CHKA: variants seen among roughly 807,000 people sequenced by gnomAD.
CHKA encodes CHETK-alpha.
A neutral mutation model predicts 60.1 loss-of-function variants in CHKA; 34 were observed. The ratio of observed to expected loss-of-function variants is 0.57; its 90% CI spans 0.43 to 0.75. The LOEUF is 0.75. CHKA is among the 30% of genes least tolerant of loss of function. CHKA has a pLI of 0.00. For synonymous variants in CHKA, 217 were observed against 223.1 expected (o/e 0.97, Z 0.24); for missense variants, 563 against 561.3 (o/e 1.00, Z -0.03).
Position 68,074,820 on chromosome 11 carries a change from G to C in CHKA, c.527C>G (p.Ala176Gly). The change falls in exon 4 of 12, where the codon GCC (alanine) becomes GGC (glycine). Residue 176 changes from alanine (A) to glycine (G), a missense_variant. Coordinates refer to ENST00000265689, the MANE Select transcript of CHKA (RefSeq NM_001277.3). Reference sequence around the variant, plus strand: ...AAACATAACGCTCTCCAGAACCATGGCCTCAGCCCCCTAAAACAGATGGCA... The same window carrying C: ...AAACATAACGCTCTCCAGAACCATGCCCTCAGCCCCCTAAAACAGATGGCA... Reference protein sequence around the residue: ...QKENEFQGAEAMVLESVMFAI... With the variant: ...QKENEFQGAEGMVLESVMFAI... The C allele has an allele frequency of 6.2e-7, 1 of 1,614,172 alleles. No homozygotes were observed.
chr11:68,086,682 A>G (rs1190618096), intron 2 of CHKA, among the ~76,000 whole-genome samples: 1 of 152,230 alleles, frequency 6.6e-6, no homozygotes, highest in Non-Finnish European at 1.5e-5. Context: ...TAAGTCACAT[A>G]TAGTTATCAT....
chr11:68,100,103 G>A (rs1475680901), intron 1 of CHKA, among the ~76,000 whole-genome samples: 2 of 152,162 alleles, frequency 1.3e-5, no homozygotes, highest in Non-Finnish European at 2.9e-5. Flanking sequence ...ATAATAATAT[G>A]ACCAGGAACA....
intron 5 of CHKA, 29 bp downstream of exon 5, chr11:68,070,695 T>C (rs370716716): frequency 7.5e-6 from 12 of 1,604,384 alleles, no homozygotes; most frequent in African/African-American, 2.7e-5. Context: ...TGTAAAACTA[T>C]GTTAGGACCA....
chr11:68,091,314 T>G (rs1857342549), intron 2 of CHKA, among the ~76,000 whole-genome samples: 1 of 151,908 alleles, frequency 6.6e-6, no homozygotes, highest in East Asian at 1.9e-4. Context: ...TCCATTAAAA[T>G]TAAAGACAGT....
intron 11 of CHKA, among the ~76,000 whole-genome samples, chr11:68,056,863 A>G (rs985468347): frequency 4.6e-5 from 7 of 152,122 alleles, no homozygotes; most frequent in African/African-American, 1.7e-4. Flanking sequence ...AAAGTAATAC[A>G]CTGGTAAACT....
At position 68,066,533 on chromosome 11, in the gene CHKA, T is replaced by A. The variant is rs1425144381; in HGVS notation, c.929-17A>T. 2.5e-6 allele frequency: 4 copies of A among 1,593,256 alleles called. No homozygotes were observed. The highest frequency in any genetic ancestry group is 3.4e-6 in the Non-Finnish European group (4 of 1,161,104). ...AGATATTACCTGCAAAAGGTTTGGA[T>A]AACATGGTTTATGTTTTACAATAGA... is the stretch of plus-strand genomic sequence containing the variant. On this transcript the variant is annotated splice_polypyrimidine_tract_variant and intron_variant, in intron 7 of 11. Transcript: ENST00000265689.
chr11:68,109,027 A>G (rs944961336), intron 1 of CHKA, among the ~76,000 whole-genome samples: 2 of 151,980 alleles, frequency 1.3e-5, no homozygotes, highest in African/African-American at 4.8e-5. Flanking sequence ...GGGGGGGAAA[A>G]AATCCCTTCA....
chr11:68,120,972 A>AGCGGCAGCGGCG lies in CHKA; in HGVS notation c.205_206insCGCCGCTGCCGC (p.Pro68_Leu69insProProLeuPro), dbSNP rs1368296970. The stretch of plus-strand genomic sequence containing the variant: ...CGGCTGCGGCGGCGGGGGCTGGGGC[A>AGCGGCAGCGGCG]GCGGCAGCGGCAGCGGCAGCGGCGG... On this transcript the variant is annotated inframe_insertion, in exon 1 of 12. Coordinates refer to ENST00000265689, the MANE Select transcript of CHKA (RefSeq NM_001277.3). 1 of 1,101,088 alleles carries AGCGGCAGCGGCG rather than the reference A, an allele frequency of 9.1e-7. No homozygotes were observed. 68.2% of individuals were successfully genotyped at this position (1,101,088 alleles called of 1,614,324 possible).
In CHKA at chr11:68,102,978, A is replaced by T. The variant is rs187152558; in HGVS notation, c.351-5848T>A. Reference sequence around the variant, plus strand: ...GACAGAGCAAGACCCTGTTTAAAAAAAAAAAAATATATTTGCCCTAAATGG... The same window carrying T: ...GACAGAGCAAGACCCTGTTTAAAAATAAAAAAATATATTTGCCCTAAATGG... On this transcript the variant is annotated intron_variant, in intron 1 of 11. Transcript: ENST00000265689. Among the ~76,000 whole-genome samples, 230 of 152,138 alleles carry T rather than the reference A, an allele frequency of 1.5e-3. 2 individuals carry two copies. The highest frequency in any genetic ancestry group is 4.2e-3 in the Admixed American group (64 of 15,264).
chr11:68,119,484 G>GT (rs1450378080), intron 1 of CHKA, among the ~76,000 whole-genome samples: 3 of 152,054 alleles, frequency 2.0e-5, no homozygotes, highest in Admixed American at 6.6e-5. Flanking sequence ...CTTTGTTTTT[G>GT]TTTTTTTGAG....
intron 1 of CHKA, among the ~76,000 whole-genome samples, chr11:68,110,460 A>G (rs943960932): frequency 6.6e-6 from 1 of 152,222 alleles, no homozygotes; most frequent in African/African-American, 2.4e-5. Context: ...CCAGTGACAA[A>G]TAAGTGGAAT....
intron 2 of CHKA, among the ~76,000 whole-genome samples, chr11:68,096,599 G>A (rs1475703539): frequency 6.6e-6 from 1 of 152,092 alleles, no homozygotes; most frequent in African/African-American, 2.4e-5. Context: ...CAGCTTCGTT[G>A]AGATCATACT....
intron 1 of CHKA, among the ~76,000 whole-genome samples, chr11:68,113,095 AAAAAAAAAAAAAAAAG>A (rs1858235550): frequency 7.4e-6 from 1 of 134,546 alleles, no homozygotes. Flanking sequence ...AAAAAAAAAA[AAAAAAAAAAAAAAAAG>A]AAGCTGTGGC....
At chr11:68,119,196 G>A (rs972210803) in intron 1 of CHKA, among the ~76,000 whole-genome samples, 2 of 152,154 alleles carry the variant, frequency 1.3e-5, no homozygotes, top group Non-Finnish European at 2.9e-5. Flanking sequence ...AACAGCCTCG[G>A]TTTTCTTTTC....
At chr11:68,057,566 G>C (rs1298754571) in intron 11 of CHKA, among the ~76,000 whole-genome samples, 1 of 152,136 alleles carries the variant, frequency 6.6e-6, no homozygotes, top group African/African-American at 2.4e-5. Flanking sequence ...TGATCCACCA[G>C]CCTCGGCCTC....
Position 68,065,827 on chromosome 11 carries a change from A to G in CHKA, c.1084T>C (p.Phe362Leu), listed in dbSNP as rs1322381792. 3.1e-6 allele frequency: 5 copies of G among 1,607,492 alleles called. No individual in the cohort carries two copies. Among genetic ancestry groups the G allele is most frequent in the Non-Finnish European group, 4.3e-6 (5 of 1,174,660 alleles). The change falls in exon 9 of 12, where the codon TTC becomes CTC. Residue 362 changes from phenylalanine (F) to leucine (L), a missense_variant. Coordinates refer to ENST00000265689, the MANE Select transcript of CHKA (RefSeq NM_001277.3). ...GGATACTTCCGGATGTTTGCTCTGA[A>G]AAAAGGGTATTTTTCATAGCTATAA... The part of the protein sequence containing the change: ...YDYSYEKYPF[F>L]RANIRKYPTK...
rs1858612051 is a variant in CHKA at position 68,120,874 on chromosome 11, C to G, written c.304G>C (p.Ala102Pro). 1 of 1,357,008 alleles carries G rather than the reference C, an allele frequency of 7.4e-7. No homozygotes were observed. Among genetic ancestry groups the G allele is most frequent in the Admixed American group, 2.4e-5 (1 of 41,858 alleles). 84.1% of individuals were successfully genotyped at this position (1,357,008 alleles called of 1,614,324 possible). ...YLWCKEFLPG[A>P]WRGLREDEFH... ...TCGTCCTCGCGGAGGCCCCGCCAGG[C>G]GCCGGGCAGGAACTCCTTGCACCAC... The change falls in exon 1 of 12, where the codon GCC becomes CCC. Residue 102 changes from alanine to proline, a missense_variant. By Grantham distance (27) the Ala-to-Pro change is conservative. Coordinates refer to ENST00000265689, the MANE Select transcript of CHKA (RefSeq NM_001277.3).
intron 2 of CHKA, among the ~76,000 whole-genome samples, chr11:68,095,708 C>CAAA (rs55959031): frequency 0.12 from 1,517 of 13,130 alleles, 485 homozygotes; most frequent in East Asian, 0.61. Context: ...GACTCCGTCG[C>CAAA]AAAAAAAAAA....
At chr11:68,109,121 G>A (rs1209229989) in intron 1 of CHKA, among the ~76,000 whole-genome samples, 2 of 123,980 alleles carry the variant, frequency 1.6e-5, no homozygotes, top group East Asian at 2.3e-4. Flanking sequence ...ACAGAGTCTC[G>A]CTCTGTCCCC....
Sources: gnomAD v4.1 joint callset for allele counts (sites outside exome capture counted in the v4.1 genomes callset) on GRCh38, gnomAD v4.1.1 for gene constraint, MANE v1.5 for transcripts, NCBI Gene and HGNC (gene_info 2026-07-23, HGNC 2026-07-21) for gene names.